The following SIPA1L3 variants were observed in gnomAD, a reference collection of about 807,000 sequenced individuals.
SIPA1L3 encodes signal-induced proliferation-associated 1-like protein 3.
In SIPA1L3, 59 loss-of-function variants were observed where a neutral mutation model predicts 150.1. That is an observed-to-expected ratio of 0.39 (90% CI 0.32 to 0.49). The LOEUF is 0.49. Among genes scored for constraint, SIPA1L3 ranks in the 20% least tolerant of loss-of-function variants. The pLI is 0.86. For missense variants in SIPA1L3, 2,211 were observed against 2,489.5 expected, an observed-to-expected ratio of 0.89 and a Z score of 2.38; for synonymous variants, 1,070 against 1,077.6, an observed-to-expected ratio of 0.99 and a Z score of 0.14.
At chr19:37,991,379 C>G (rs545893825) in intron 1 of SIPA1L3, among the ~76,000 whole-genome samples, 1 of 152,268 alleles carries the variant, frequency 6.6e-6, no homozygotes. Context: ...CAGGGCCAAA[C>G]CGGCTGATCT....
Position 38,119,804 on chromosome 19 carries a change from T to C in SIPA1L3, c.2790T>C (p.Tyr930=), listed in dbSNP as rs137864377. 9.1e-4 allele frequency: 1,476 copies of C among 1,613,828 alleles called. 3 individuals are homozygous for C. Among genetic ancestry groups the C allele is most frequent in the Non-Finnish European group, 1.2e-3 (1,381 of 1,180,032 alleles). Residue 930 remains tyrosine (Y), a synonymous_variant, in exon 9 of 22, where the codon TAT becomes TAC. Coordinates refer to ENST00000222345, the MANE Select transcript of SIPA1L3 (RefSeq NM_015073.3). The stretch of plus-strand genomic sequence containing the variant: ...ACTCCTCCACACTCAAAATCTTCTA[T>C]GGACGAGGAGACCACATCTTCCTAC... ...TPDSSTLKIF[Y]GRGDHIFLQA... is the part of the protein sequence containing the mutation.
Position 38,164,625 on chromosome 19 carries a change from C to A in SIPA1L3, c.3927C>A (p.Ser1309Arg), listed in dbSNP as rs146450731. 3 of 1,614,046 alleles carry A rather than the reference C, an allele frequency of 1.9e-6. No homozygotes were observed. Among genetic ancestry groups the A allele is most frequent in the East Asian group, 4.5e-5 (2 of 44,846 alleles). The change falls in exon 15 of 22, where the codon AGC (serine) becomes AGA (arginine). Residue 1309 changes from serine to arginine, a missense_variant. Ser to Arg is a moderately radical substitution (Grantham distance 110, BLOSUM62 -1). Coordinates refer to ENST00000222345, the MANE Select transcript of SIPA1L3 (RefSeq NM_015073.3). This position sits in a 1 kb window ranked among gnomAD's most constrained non-coding sequence, Gnocchi z 4.1. ...TCTCCAAGGGTGGCTCTAGTGACAG[C>A]GGCATCGACACCACCCTCTACACCT... The part of the protein sequence containing the change: ...DPLSKGGSSD[S>R]GIDTTLYTSS...
At position 38,065,915 on chromosome 19, in the gene SIPA1L3, CTATT is replaced by C. The variant is rs56132149; in HGVS notation, c.-310-15311_-310-15308del. On this transcript the variant is annotated intron_variant, in intron 2 of 21. Transcript: ENST00000222345. ...CGGGTTTGATCTCTTATTTATTTAT[CTATT>C]TATTTATTTATTTATTTATTTATTT... Among the ~76,000 whole-genome samples, 57 of 127,700 alleles carry C rather than the reference CTATT, an allele frequency of 4.5e-4. 2 individuals are homozygous for C. Among genetic ancestry groups the C allele is most frequent in the Admixed American group, 1.3e-3 (16 of 12,744 alleles). The allele number at this position is 127,700 out of a possible 152,430, so 83.8% of individuals were successfully genotyped here.
At chr19:38,114,154 C>T (rs1970828972) in intron 8 of SIPA1L3, among the ~76,000 whole-genome samples, 1 of 152,144 alleles carries the variant, frequency 6.6e-6, no homozygotes, top group South Asian at 2.1e-4. Flanking sequence ...GGTGCTGTGG[C>T]TCATGCCTGT....
intron 4 of SIPA1L3, among the ~76,000 whole-genome samples, chr19:38,090,440 A>T (rs1184460711): frequency 6.6e-6 from 1 of 151,978 alleles, no homozygotes; most frequent in Non-Finnish European, 1.5e-5. Context: ...GGGGTGGTAG[A>T]GGAAACTGCC....
intron 10 of SIPA1L3, among the ~76,000 whole-genome samples, chr19:38,138,031 T>C (rs1270914295): frequency 6.6e-6 from 1 of 152,044 alleles, no homozygotes; most frequent in East Asian, 1.9e-4. Flanking sequence ...CTCAGGAGGC[T>C]GAGGCATGAG....
chr19:38,065,473 TG>T (rs1444818079), intron 2 of SIPA1L3, among the ~76,000 whole-genome samples: 3 of 150,552 alleles, frequency 2.0e-5, no homozygotes, highest in Non-Finnish European at 4.4e-5. Flanking sequence ...TGGAGTACAG[TG>T]GTGCGATCTT....
At chr19:37,924,433 T>A (rs4802147) in intron 1 of SIPA1L3, among the ~76,000 whole-genome samples, 2 of 146,218 alleles carry the variant, frequency 1.4e-5, no homozygotes, top group African/African-American at 5.1e-5. Flanking sequence ...TTTTTTTGTA[T>A]ATAAGTAGAA....
rs571813302 is a variant in SIPA1L3, at chr19:37,910,530, G to GAAAA, written c.-379+3186_-379+3189dup. On this transcript the variant is annotated intron_variant, in intron 1 of 21. Transcript: ENST00000222345. ...TGTGACAGAGTGAGACCCTGTCTCAGAAAAAAAAAAAAAAAAAGAATGAGA... is the reference window on the plus strand; with the variant it reads ...TGTGACAGAGTGAGACCCTGTCTCAGAAAAAAAAAAAAAAAAAAAAAGAATGAGA... Among the ~76,000 whole-genome samples, 149 of 104,030 alleles carry GAAAA rather than the reference G, an allele frequency of 1.4e-3. 1 individual carries two copies. The highest frequency in any genetic ancestry group is 5.2e-3 in the African/African-American group (143 of 27,392). 68.2% of individuals were successfully genotyped at this position (104,030 alleles called of 152,430 possible). A position where few individuals can be genotyped will look rare whatever the true frequency, so the allele number is the denominator to read the frequency against.
intron 8 of SIPA1L3, among the ~76,000 whole-genome samples, chr19:38,114,884 C>T (rs1970847819): frequency 6.6e-6 from 1 of 152,218 alleles, no homozygotes; most frequent in South Asian, 2.1e-4. Context: ...CACTGGTCTC[C>T]TGCATGTGCC....
intron 12 of SIPA1L3, among the ~76,000 whole-genome samples, chr19:38,150,529 CTTTTTTTTT>C (rs201046693): frequency 7.5e-5 from 9 of 119,836 alleles, no homozygotes; most frequent in East Asian, 2.3e-4. Context: ...AATATCAACA[CTTTTTTTTT>C]TTTTTTTTTT....
chr19:38,071,263 A>ATCTATCTG (rs1969717766), intron 2 of SIPA1L3, among the ~76,000 whole-genome samples: 1 of 139,000 alleles, frequency 7.2e-6, no homozygotes, highest in Non-Finnish European at 1.6e-5. Flanking sequence ...CTATCTATCT[A>ATCTATCTG]TCTGCCTGCC....
chr19:37,910,544 A>G (rs1199647493), intron 1 of SIPA1L3, among the ~76,000 whole-genome samples: 1 of 152,046 alleles, frequency 6.6e-6, no homozygotes, highest in Non-Finnish European at 1.5e-5. Flanking sequence ...AAAAAAAAAA[A>G]AAAGAATGAG....
chr19:38,142,681 C>A lies in SIPA1L3; in HGVS notation c.3504C>A (p.Thr1168=), dbSNP rs1420114453. Residue 1168 remains threonine (T), a synonymous_variant, in exon 12 of 22, where the codon ACC becomes ACA. Coordinates refer to ENST00000222345, the MANE Select transcript of SIPA1L3 (RefSeq NM_015073.3). Reference sequence around the variant, plus strand: ...GCTTCTCCACCCCCGGTTCGGCCACCTACGTGAGATACAAGCCATCCCCAG... The same window carrying A: ...GCTTCTCCACCCCCGGTTCGGCCACATACGTGAGATACAAGCCATCCCCAG... ...SGSFSTPGSA[T]YVRYKPSPER... 6.2e-7 allele frequency: 1 copy of A among 1,614,034 alleles called. No homozygotes were observed. The highest frequency in any genetic ancestry group is 1.3e-5 in the African/African-American group (1 of 75,046).
chr19:38,161,016 GAC>G (rs1284803614), intron 13 of SIPA1L3, among the ~76,000 whole-genome samples: 2 of 152,146 alleles, frequency 1.3e-5, no homozygotes, highest in Non-Finnish European at 1.5e-5. Flanking sequence ...TAAGTTGTAG[GAC>G]AGTGTTTATT....
At position 38,193,786 on chromosome 19, in the gene SIPA1L3, C is replaced by A; in HGVS notation, c.4840+6C>A. ...CGGCTTTCCCGAGAAGAAATGTGAG[C>A]CTGGGCCCCCTGGGACTGGCGCGGT... On this transcript the variant is annotated splice_donor_region_variant and intron_variant, in intron 18 of 21. Coordinates refer to ENST00000222345, the MANE Select transcript of SIPA1L3 (RefSeq NM_015073.3). The A allele has an allele frequency of 6.4e-7, 1 of 1,558,694 alleles. No individual in the cohort carries two copies. The highest frequency in any genetic ancestry group is 8.6e-7 in the Non-Finnish European group (1 of 1,163,438).
At chr19:38,193,919 C>T in intron 18 of SIPA1L3, 139 bp downstream of exon 18, 1 of 1,022,802 alleles carries the variant, frequency 9.8e-7, no homozygotes, top group Non-Finnish European at 1.3e-6. Context: ...ATGGGGTTCA[C>T]AGGAACTTCG....
At chr19:38,024,764 A>G (rs1599920551) in intron 1 of SIPA1L3, among the ~76,000 whole-genome samples, 1 of 152,016 alleles carries the variant, frequency 6.6e-6, no homozygotes, top group East Asian at 1.9e-4. Context: ...AGCTTCTTAG[A>G]AGGGTCATGT....
intron 9 of SIPA1L3, among the ~76,000 whole-genome samples, chr19:38,121,795 T>G (rs1297152048): frequency 6.6e-6 from 1 of 151,860 alleles, no homozygotes; most frequent in Non-Finnish European, 1.5e-5. Context: ...TGGTGCACAC[T>G]TGTGGCCTCA....
Sources: allele counts gnomAD v4.1 joint callset (sites outside exome capture counted in the v4.1 genomes callset), GRCh38; gene constraint gnomAD v4.1.1; non-coding constraint Gnocchi (gnomAD v3.1); transcripts MANE v1.5; gene names NCBI Gene and HGNC (gene_info 2026-07-23, HGNC 2026-07-21).